SLC27A2: variants seen among roughly 807,000 people sequenced by gnomAD.
SLC27A2 encodes solute carrier family 27 member 2.
In SLC27A2, 54 loss-of-function variants were observed where a neutral mutation model predicts 60.0. That is an observed-to-expected ratio of 0.90 (90% CI 0.72 to 1.13). The LOEUF (loss-of-function observed/expected upper bound fraction) is 1.13. SLC27A2 is among the 50% of genes most tolerant of loss of function. The pLI, the probability that SLC27A2 is intolerant of heterozygous loss-of-function variation, is 0.00. For missense variants in SLC27A2, 739 were observed against 777.6 expected, an observed-to-expected ratio of 0.95 and a Z score of 0.59; for synonymous variants, 297 against 297.6, an observed-to-expected ratio of 1.00 and a Z score of 0.02.
At chr15:50,229,908 C>T (rs111229784) in intron 8 of SLC27A2, among the ~76,000 whole-genome samples, 2,915 of 152,204 alleles carry the variant, frequency 0.019, 92 homozygotes, top group African/African-American at 0.068. Context: ...CAAGCTCTGA[C>T]ACTTCTACAT....
intron 1 of SLC27A2, among the ~76,000 whole-genome samples, chr15:50,187,363 C>A (rs1252271300): frequency 6.6e-6 from 1 of 152,148 alleles, no homozygotes; most frequent in Non-Finnish European, 1.5e-5. Flanking sequence ...ACCCAACTTT[C>A]CAAATACAGA....
chr15:50,226,218 T>C (rs2045277753), intron 6 of SLC27A2, 140 bp downstream of exon 6: 3 of 556,096 alleles, frequency 5.4e-6, no homozygotes, highest in Non-Finnish European at 3.3e-6. Flanking sequence ...CCCTCCAATA[T>C]ACAGGAATTC....
intron 1 of SLC27A2, among the ~76,000 whole-genome samples, chr15:50,185,831 G>A (rs1381255948): frequency 3.3e-5 from 5 of 151,644 alleles, no homozygotes; most frequent in African/African-American, 9.7e-5. Flanking sequence ...GGGTTTCACC[G>A]TGTTAGCCAG....
chr15:50,198,044 A>G (rs1051184070), intron 2 of SLC27A2, among the ~76,000 whole-genome samples: 13 of 152,122 alleles, frequency 8.5e-5, no homozygotes, highest in African/African-American at 2.9e-4. Flanking sequence ...TTACATCCAG[A>G]GTCCATATAG....
intron 8 of SLC27A2, among the ~76,000 whole-genome samples, chr15:50,232,622 G>A (rs547251418): frequency 1.4e-4 from 22 of 152,150 alleles, no homozygotes; most frequent in African/African-American, 3.1e-4. Flanking sequence ...CCATTTGCCC[G>A]TAGGTCCAGC....
At chr15:50,213,268 T>C (rs1488154674) in intron 4 of SLC27A2, among the ~76,000 whole-genome samples, 1 of 152,118 alleles carries the variant, frequency 6.6e-6, no homozygotes, top group East Asian at 1.9e-4. Context: ...ATCCTAAATA[T>C]ATATGCACCT....
chr15:50,201,213 G>A (rs529096320), intron 2 of SLC27A2, among the ~76,000 whole-genome samples: 4 of 152,082 alleles, frequency 2.6e-5, no homozygotes, highest in Non-Finnish European at 2.9e-5. Context: ...TGAACTCCTG[G>A]GCTCAAGCGA....
intron 1 of SLC27A2, among the ~76,000 whole-genome samples, chr15:50,189,625 A>G (rs2044957447): frequency 1.3e-5 from 2 of 152,202 alleles, no homozygotes; most frequent in Non-Finnish European, 2.9e-5. Context: ...AATGCACTTT[A>G]TTTTCTTCAG....
intron 4 of SLC27A2, among the ~76,000 whole-genome samples, chr15:50,215,120 T>C (rs987450651): frequency 1.3e-5 from 2 of 152,158 alleles, no homozygotes; most frequent in African/African-American, 4.8e-5. Flanking sequence ...CAGCATAGTT[T>C]CCAGATACAA....
At chr15:50,190,959 A>C (rs898883872) in intron 1 of SLC27A2, 1 of 152,232 alleles carries the variant, frequency 6.6e-6, no homozygotes, top group Non-Finnish European at 1.5e-5. Context: ...ACAAGCACTG[A>C]GCAGAAGGCC....
intron 1 of SLC27A2, among the ~76,000 whole-genome samples, chr15:50,183,360 T>A (rs1297682285): frequency 6.6e-6 from 1 of 152,150 alleles, no homozygotes; most frequent in African/African-American, 2.4e-5. Context: ...TGTGTGATCA[T>A]GGGAAAGTCA....
intron 4 of SLC27A2, among the ~76,000 whole-genome samples, chr15:50,221,086 G>C (rs1486552126): frequency 6.6e-6 from 1 of 151,924 alleles, no homozygotes; most frequent in Non-Finnish European, 1.5e-5. Context: ...CGCACCTGTA[G>C]TCCCAGCCAC....
intron 5 of SLC27A2, among the ~76,000 whole-genome samples, chr15:50,225,666 C>T (rs538350401): frequency 2.6e-5 from 4 of 152,260 alleles, no homozygotes; most frequent in East Asian, 3.9e-4. Flanking sequence ...AAAACACCAA[C>T]ATGGATGGAT....
chr15:50,208,436 T>A (rs904042384), intron 4 of SLC27A2, among the ~76,000 whole-genome samples: 1 of 152,164 alleles, frequency 6.6e-6, no homozygotes, highest in Non-Finnish European at 1.5e-5. Flanking sequence ...CAGCTTCCCG[T>A]CAGCCAACAA....
chr15:50,183,028 A>G, intron 1 of SLC27A2, 123 bp downstream of exon 1: 11 of 1,002,350 alleles, frequency 1.1e-5, no homozygotes, highest in Non-Finnish European at 1.5e-5. Context: ...GTATAGAAAA[A>G]GGTTGGCAGT....
intron 4 of SLC27A2, among the ~76,000 whole-genome samples, chr15:50,219,408 A>ATAGT (rs2045227514): frequency 2.0e-5 from 3 of 150,830 alleles, no homozygotes; most frequent in Non-Finnish European, 4.4e-5. Context: ...TGTGTGTGGC[A>ATAGT]CTCTCTCTTT....
At chr15:50,216,595 G>GGT (rs371273005) in intron 4 of SLC27A2, among the ~76,000 whole-genome samples, 823 of 69,778 alleles carry the variant, frequency 0.012, 87 homozygotes, top group Middle Eastern at 0.02. Flanking sequence ...AAGAAACTGT[G>GGT]GTGTGTGTGT....
chr15:50,217,871 T>C (rs531294040), intron 4 of SLC27A2, among the ~76,000 whole-genome samples: 1 of 151,848 alleles, frequency 6.6e-6, no homozygotes, highest in South Asian at 2.1e-4. Flanking sequence ...CTGGCCAACA[T>C]GGTGAAACCC....
At chr15:50,232,782 T>G (rs1425423598) in intron 8 of SLC27A2, among the ~76,000 whole-genome samples, 2 of 152,224 alleles carry the variant, frequency 1.3e-5, no homozygotes. Context: ...CTGGTGCCAC[T>G]GCCTCTCTCC....
Sources: gnomAD v4.1 joint callset for allele counts (sites outside exome capture counted in the v4.1 genomes callset) on GRCh38, gnomAD v4.1.1 for gene constraint, MANE v1.5 for transcripts, NCBI Gene and HGNC (gene_info 2026-07-23, HGNC 2026-07-21) for gene names.